Variants in UBE3A observed in about 807,000 individuals in gnomAD.
UBE3A encodes the protein ubiquitin protein ligase E3A, also known as ubiquitin-protein ligase E3A.
In UBE3A, 6 loss-of-function variants were observed where a neutral mutation model predicts 83.4. The ratio of observed to expected loss-of-function variants is 0.07; its 90% CI spans 0.04 to 0.14. The LOEUF (loss-of-function observed/expected upper bound fraction) is 0.14, where lower values mean the gene tolerates loss of function less well. UBE3A is among the 10% of genes least tolerant of loss of function. UBE3A has a pLI of 1.00. For synonymous variants in UBE3A, 337 were observed against 355.4 expected, an observed-to-expected ratio of 0.95 and a Z score of 0.58; for missense variants, 456 against 1,036.1, an observed-to-expected ratio of 0.44 and a Z score of 7.69.
intron 6 of UBE3A, 43 bp from the exon 7 acceptor site, chr15:25,360,570 G>A (rs1163541579): frequency 1.2e-6 from 2 of 1,601,462 alleles, no homozygotes; most frequent in East Asian, 4.5e-5. Context: ...ATGATTGCTA[G>A]TATCAGGAAA....
rs1311487852 is a variant in UBE3A at position 25,334,575 on chromosome 15, G to A, written c.*4562C>T. 1 of 148,274 alleles carries A rather than the reference G, an allele frequency of 6.7e-6. No individual in the cohort carries two copies. The highest frequency in any genetic ancestry group is 1.5e-5 in the Non-Finnish European group (1 of 67,546). The allele number at this position is 148,274 out of a possible 1,614,324, so 9.2% of individuals were successfully genotyped here. A position where few individuals can be genotyped will look rare whatever the true frequency, so the allele number is the denominator to read the frequency against. On this transcript the variant is annotated 3_prime_UTR_variant, in exon 13 of 13. Transcript: ENST00000648336. ...ATATAAAAATTCATATGCAATGCAAGGGACCCAAAACAGACAAAATGATTT... is the reference window on the plus strand; with the variant it reads ...ATATAAAAATTCATATGCAATGCAAAGGACCCAAAACAGACAAAATGATTT...
intron 4 of UBE3A, among the ~76,000 whole-genome samples, chr15:25,381,262 G>C (rs1178224921): frequency 6.6e-6 from 1 of 152,062 alleles, no homozygotes; most frequent in Non-Finnish European, 1.5e-5. Context: ...TTCCGTGTCT[G>C]GCTTAGTTCA....
intron 11 of UBE3A, among the ~76,000 whole-genome samples, chr15:25,352,452 T>C (rs965564542): frequency 6.6e-6 from 1 of 152,178 alleles, no homozygotes; most frequent in Admixed American, 6.5e-5. Context: ...CCAGTGCTTA[T>C]AAAAGTTACG....
At chr15:25,339,392 T>C in intron 12 of UBE3A, 135 bp from the exon 13 acceptor site, 3 of 1,158,946 alleles carry the variant, frequency 2.6e-6, no homozygotes, top group Non-Finnish European at 2.4e-6. Flanking sequence ...ATGCAAATCA[T>C]AAACTTTTTG....
Position 25,339,069 on chromosome 15 carries a change from T to C in UBE3A, c.*68A>G. ...CAAAAATTTATCCCTCGTTATATTT[T>C]TAAAATTTTTTAAATTTTTTCTTTT... On this transcript the variant is annotated 3_prime_UTR_variant, in exon 13 of 13. Transcript: ENST00000648336. The C allele has an allele frequency of 6.9e-7, 1 of 1,454,664 alleles. No homozygotes were observed. Among genetic ancestry groups the C allele is most frequent in the South Asian group, 1.4e-5 (1 of 70,638 alleles). The allele number at this position is 1,454,664 out of a possible 1,614,324, so 90.1% of individuals were successfully genotyped here.
In UBE3A at chr15:25,336,030, C is replaced by G. The variant is rs1445595191; in HGVS notation, c.*3107G>C. The G allele has an allele frequency of 6.6e-6, 1 of 152,064 alleles. No individual in the cohort carries two copies. The highest frequency in any genetic ancestry group is 1.9e-4 in the East Asian group (1 of 5,182). The allele number at this position is 152,064 out of a possible 1,614,324, so 9.4% of individuals were successfully genotyped here. A position where few individuals can be genotyped will look rare whatever the true frequency, so the allele number is the denominator to read the frequency against. On this transcript the variant is annotated 3_prime_UTR_variant, in exon 13 of 13. Coordinates refer to ENST00000648336, the MANE Select transcript of UBE3A (RefSeq NM_130839.5). ...AGTAGCCTTTCACAGTGATATCTAC[C>G]CCACACCTGCATCAAAATCTTGCAG...
intron 7 of UBE3A, among the ~76,000 whole-genome samples, chr15:25,358,667 T>C (rs1301513296): frequency 6.6e-6 from 1 of 152,220 alleles, no homozygotes; most frequent in Non-Finnish European, 1.5e-5. Flanking sequence ...TTAAAATCTT[T>C]GAAAATGTCA....
chr15:25,362,927 A>C (rs972273691), intron 6 of UBE3A, among the ~76,000 whole-genome samples: 16 of 152,146 alleles, frequency 1.1e-4, no homozygotes, highest in Admixed American at 9.2e-4. Context: ...TGGTATTTAG[A>C]CTGTGCATTC....
At chr15:25,431,556 T>C (rs1413609545) in intron 1 of UBE3A, among the ~76,000 whole-genome samples, 3 of 152,154 alleles carry the variant, frequency 2.0e-5, no homozygotes, top group Non-Finnish European at 1.5e-5. Context: ...TTGGCCAGGC[T>C]GGTCTCGAAC....
rs1159969391 is a variant in UBE3A, at chr15:25,398,771, TTATATATATATATATATA to T, written c.62+6672_62+6689del. On this transcript the variant is annotated intron_variant, in intron 4 of 12. Coordinates refer to ENST00000648336, the MANE Select transcript of UBE3A (RefSeq NM_130839.5). ...CAGCGCACTGATTTTATTCTTTTATTTATATATATATATATATATATATATATATATATATATATATAT... is the reference window on the plus strand; with the variant it reads ...CAGCGCACTGATTTTATTCTTTTATTTATATATATATATATATATATATAT... 8.7e-3 allele frequency among the ~76,000 whole-genome samples: 601 copies of T among 68,952 alleles called. 21 individuals carry two copies. The highest frequency in any genetic ancestry group is 0.025 in the Middle Eastern group (3 of 120). The allele number at this position is 68,952 out of a possible 152,430, so 45.2% of individuals were successfully genotyped here. A position where few individuals can be genotyped will look rare whatever the true frequency, so the allele number is the denominator to read the frequency against.
chr15:25,336,717 TATA>T lies in UBE3A; in HGVS notation c.*2417_*2419del, dbSNP rs1393493932. ...TGTTTTATGTATGTTTGAAATGTTCTATAATAATAAAAGGTTAAAAAAGTTTAC... is the reference window on the plus strand; with the variant it reads ...TGTTTTATGTATGTTTGAAATGTTCTATAATAAAAGGTTAAAAAAGTTTAC... On this transcript the variant is annotated 3_prime_UTR_variant, in exon 13 of 13. Coordinates refer to ENST00000648336, the MANE Select transcript of UBE3A (RefSeq NM_130839.5). 6.6e-6 allele frequency: 1 copy of T among 152,194 alleles called. No homozygotes were observed. The highest frequency in any genetic ancestry group is 1.5e-5 in the Non-Finnish European group (1 of 68,026). The allele number at this position is 152,194 out of a possible 1,614,324, so 9.4% of individuals were successfully genotyped here.
chr15:25,385,259 A>C (rs1188412108), intron 4 of UBE3A, among the ~76,000 whole-genome samples: 1 of 152,218 alleles, frequency 6.6e-6, no homozygotes. Flanking sequence ...CAACAACAAA[A>C]AATCTAGTTA....
chr15:25,347,390 C>T (rs1010970042), intron 11 of UBE3A, among the ~76,000 whole-genome samples: 9 of 152,044 alleles, frequency 5.9e-5, no homozygotes, highest in Admixed American at 4.6e-4. Context: ...CCACAATGAC[C>T]GTGAAAACAA....
chr15:25,399,127 G>T (rs952680375), intron 4 of UBE3A, among the ~76,000 whole-genome samples: 2 of 151,782 alleles, frequency 1.3e-5, no homozygotes, highest in Non-Finnish European at 2.9e-5. Flanking sequence ...ATATGGTTTG[G>T]AAATACTATC....
intron 11 of UBE3A, chr15:25,346,965 C>T (rs996884174): frequency 1.3e-5 from 2 of 152,144 alleles, no homozygotes; most frequent in African/African-American, 4.8e-5. Context: ...GCAAAAGACA[C>T]AAACTTACAG....
intron 1 of UBE3A, among the ~76,000 whole-genome samples, chr15:25,426,497 G>C (rs2158305): frequency 0.011 from 1,611 of 152,184 alleles, 25 homozygotes; most frequent in Middle Eastern, 0.034. Context: ...TATACTAAAA[G>C]AACTAAAGGT....
At chr15:25,406,144 T>C (rs1031337211) in intron 3 of UBE3A, among the ~76,000 whole-genome samples, 7 of 152,254 alleles carry the variant, frequency 4.6e-5, no homozygotes, top group African/African-American at 7.2e-5. Context: ...CCGCTACCGC[T>C]ACTCCAGACA....
At chr15:25,389,385 C>A (rs1393780045) in intron 4 of UBE3A, among the ~76,000 whole-genome samples, 1 of 151,958 alleles carries the variant, frequency 6.6e-6, no homozygotes, top group African/African-American at 2.4e-5. Flanking sequence ...AAGAAAAAAT[C>A]TAGATCTTGG....
intron 6 of UBE3A, among the ~76,000 whole-genome samples, chr15:25,363,396 T>C (rs1157006123): frequency 6.6e-6 from 1 of 152,206 alleles, no homozygotes; most frequent in African/African-American, 2.4e-5. Context: ...TACCATAGCA[T>C]TATAGAACAA....
Sources: gnomAD v4.1 joint callset for allele counts (sites outside exome capture counted in the v4.1 genomes callset) on GRCh38, gnomAD v4.1.1 for gene constraint, MANE v1.5 for transcripts, NCBI Gene and HGNC (gene_info 2026-07-23, HGNC 2026-07-21) for gene names.